The following MRPL22 variants were observed in gnomAD, a reference collection of about 807,000 sequenced individuals.
The protein encoded by MRPL22 is mitochondrial ribosomal protein L22.
A neutral mutation model predicts 32.4 loss-of-function variants in MRPL22; 27 were observed. The observed-to-expected ratio is 0.83, with a 90% CI of 0.61 to 1.15. The LOEUF is 1.15. MRPL22 is among the 50% of genes most tolerant of loss of function. The pLI, the probability that MRPL22 is intolerant of heterozygous loss-of-function variation, is 0.00. For missense variants in MRPL22, 239 were observed against 260.2 expected, an observed-to-expected ratio of 0.92 and a Z score of 0.56; for synonymous variants, 86 against 87.3, an observed-to-expected ratio of 0.99 and a Z score of 0.08.
intron 6 of MRPL22, 96 bp from the exon 7 acceptor site, chr5:154,966,590 C>A: frequency 7.6e-7 from 1 of 1,309,294 alleles, no homozygotes; most frequent in Non-Finnish European, 1.1e-6. Context: ...CCCATGTAAT[C>A]TCAGAATCCA....
In MRPL22 at chr5:154,959,950, G is replaced by A. The variant is rs10041921; in HGVS notation, c.340-30G>A. Reference sequence around the variant, plus strand: ...ATTCCATTTTACTTCAGGTTTAGCCGTATAAATGCTTTTCTTTTTCTTATT... The same window carrying A: ...ATTCCATTTTACTTCAGGTTTAGCCATATAAATGCTTTTCTTTTTCTTATT... On this transcript the variant is annotated intron_variant, in intron 5 of 6. Transcript: ENST00000523037. 2.6e-3 allele frequency: 3,974 copies of A among 1,529,548 alleles called. 91 individuals are homozygous for A. The African/African-American group carries it at 0.047, about 18-fold the overall frequency. The allele number at this position is 1,529,548 out of a possible 1,614,324, so 94.7% of individuals were successfully genotyped here.
intron 2 of MRPL22, among the ~76,000 whole-genome samples, chr5:154,948,831 C>T (rs1287041302): frequency 6.6e-6 from 1 of 152,128 alleles, no homozygotes; most frequent in Non-Finnish European, 1.5e-5. Flanking sequence ...CTTCATTCAC[C>T]AGTTTTCAAA....
At chr5:154,955,369 CTA>C (rs1267409527) in intron 3 of MRPL22, 1 of 152,090 alleles carries the variant, frequency 6.6e-6, no homozygotes, top group African/African-American at 2.4e-5. Context: ...GACCTCCTTG[CTA>C]TAGTTTTCCA....
chr5:154,952,988 C>T (rs1194806855), intron 3 of MRPL22, among the ~76,000 whole-genome samples: 1 of 152,168 alleles, frequency 6.6e-6, no homozygotes, highest in Non-Finnish European at 1.5e-5. Flanking sequence ...TTAAGACTAA[C>T]TTCGTAGTTT....
intron 6 of MRPL22, among the ~76,000 whole-genome samples, chr5:154,961,355 A>T (rs1764699381): frequency 6.6e-6 from 1 of 152,212 alleles, no homozygotes; most frequent in African/African-American, 2.4e-5. Flanking sequence ...ATTGGAAGGG[A>T]TGAGGAGCAA....
intron 5 of MRPL22, among the ~76,000 whole-genome samples, chr5:154,958,685 C>A (rs533360935): frequency 3.3e-5 from 5 of 151,850 alleles, no homozygotes; most frequent in African/African-American, 1.2e-4. Flanking sequence ...GCTGGGACTA[C>A]AGATGTGTGC....
chr5:154,965,706 G>A (rs1199707882), intron 6 of MRPL22, among the ~76,000 whole-genome samples: 1 of 152,176 alleles, frequency 6.6e-6, no homozygotes, highest in Non-Finnish European at 1.5e-5. Flanking sequence ...ACAGGTGTGA[G>A]CCACCGCGCC....
chr5:154,950,533 C>T (rs1298165723), intron 2 of MRPL22, among the ~76,000 whole-genome samples: 1 of 152,130 alleles, frequency 6.6e-6, no homozygotes, highest in African/African-American at 2.4e-5. Flanking sequence ...GAGTGGGTGA[C>T]TTATAGAAGA....
chr5:154,946,911 G>T (rs1263290849), intron 2 of MRPL22, among the ~76,000 whole-genome samples: 1 of 152,126 alleles, frequency 6.6e-6, no homozygotes, highest in Non-Finnish European at 1.5e-5. Context: ...TCCTATCGTG[G>T]CCTCCCAAAG....
intron 2 of MRPL22, among the ~76,000 whole-genome samples, chr5:154,950,327 G>C (rs963286409): frequency 1.3e-5 from 2 of 152,144 alleles, no homozygotes; most frequent in Admixed American, 6.5e-5. Context: ...ACACAGAGCC[G>C]AGCCATATCA....
chr5:154,954,423 T>C (rs1252610690), intron 3 of MRPL22, among the ~76,000 whole-genome samples: 1 of 152,230 alleles, frequency 6.6e-6, no homozygotes, highest in Non-Finnish European at 1.5e-5. Context: ...TGAATAACTA[T>C]TTTACGTATC....
At chr5:154,958,097 T>A (rs1269039278) in intron 5 of MRPL22, among the ~76,000 whole-genome samples, 1 of 151,990 alleles carries the variant, frequency 6.6e-6, no homozygotes, top group Non-Finnish European at 1.5e-5. Context: ...TTTTGTATTT[T>A]TAGTAGAGAT....
At chr5:154,956,833 TAGG>T in intron 4 of MRPL22, 1 of 361,968 alleles carries the variant, frequency 2.8e-6, no homozygotes, top group Non-Finnish European at 5.0e-6. Flanking sequence ...ATTTATCCTA[TAGG>T]AGAAGGAGAT....
At chr5:154,946,564 A>G (rs1248310954) in intron 2 of MRPL22, among the ~76,000 whole-genome samples, 1 of 152,092 alleles carries the variant, frequency 6.6e-6, no homozygotes, top group African/African-American at 2.4e-5. Context: ...CTGTAATCCT[A>G]GCACTTTGGG....
At position 154,968,189 on chromosome 5, in the gene MRPL22, A is replaced by G. The variant is rs1764793751; in HGVS notation, c.*1292A>G. 1 of 152,196 alleles carries G rather than the reference A, an allele frequency of 6.6e-6. No individual in the cohort carries two copies. 9.4% of individuals were successfully genotyped at this position (152,196 alleles called of 1,614,324 possible). A position where few individuals can be genotyped will look rare whatever the true frequency, so the allele number is the denominator to read the frequency against. On this transcript the variant is annotated 3_prime_UTR_variant, in exon 7 of 7. Transcript: ENST00000523037. ...TTGGGGCTATGATTGAAAGGTTTCT[A>G]AAGTAGCTGGTTCTGCATACCTTTT...
intron 5 of MRPL22, among the ~76,000 whole-genome samples, 188 bp downstream of exon 5, chr5:154,957,400 C>T (rs1284699738): frequency 6.6e-6 from 1 of 152,016 alleles, no homozygotes; most frequent in African/African-American, 2.4e-5. Flanking sequence ...ATGTTGTGTG[C>T]TTTAGGGTTT....
At chr5:154,947,160 C>T (rs1383381318) in intron 2 of MRPL22, among the ~76,000 whole-genome samples, 1 of 152,104 alleles carries the variant, frequency 6.6e-6, no homozygotes, top group Non-Finnish European at 1.5e-5. Flanking sequence ...CTTAAGAAGG[C>T]TATGAGGTAA....
chr5:154,956,156 TC>T (rs34777037), intron 3 of MRPL22: 3 of 484,826 alleles, frequency 6.2e-6, no homozygotes, highest in Non-Finnish European at 1.1e-5. Context: ...TTTCTATTTC[TC>T]CCGTAGTAAT....
chr5:154,946,282 G>A lies in MRPL22; in HGVS notation c.78-4539G>A, dbSNP rs560869164. Among the ~76,000 whole-genome samples, 11 of 152,182 alleles carry A rather than the reference G, an allele frequency of 7.2e-5. No homozygotes were observed. In the East Asian group the frequency reaches 2.1e-3, roughly 29 times the overall value. On this transcript the variant is annotated intron_variant, in intron 2 of 6. Transcript: ENST00000523037. Reference sequence around the variant, plus strand: ...GGTTAGGAGAGGCCTTATAGATGATGTAGTCTAATTCCTCTTTTCACAGAC... The same window carrying A: ...GGTTAGGAGAGGCCTTATAGATGATATAGTCTAATTCCTCTTTTCACAGAC...
Sources: gnomAD v4.1 joint callset for allele counts (sites outside exome capture counted in the v4.1 genomes callset) on GRCh38, gnomAD v4.1.1 for gene constraint, MANE v1.5 for transcripts, NCBI Gene and HGNC (gene_info 2026-07-23, HGNC 2026-07-21) for gene names.